Variants in CCDC85A observed in about 807,000 individuals in gnomAD.
CCDC85A encodes coiled-coil domain containing 85A.
Under a neutral mutation model 50.2 loss-of-function variants are expected in CCDC85A, and 38 were observed. The observed-to-expected ratio is 0.76, with a 90% CI of 0.58 to 0.99. CCDC85A has a LOEUF of 0.99. Ranked by LOEUF, CCDC85A falls within the 50% of genes least tolerant of loss-of-function variation. CCDC85A has a pLI of 0.00. For synonymous variants in CCDC85A, 366 were observed against 301.4 expected (o/e 1.21, Z -2.22); for missense variants, 820 against 742.0 (o/e 1.11, Z -1.22).
At chr2:56,313,096 T>C (rs922166680) in intron 2 of CCDC85A, among the ~76,000 whole-genome samples, 8 of 152,182 alleles carry the variant, frequency 5.3e-5, no homozygotes, top group Non-Finnish European at 1.0e-4. Flanking sequence ...TGAAAGTCTT[T>C]TATTATGTTT....
At chr2:56,203,211 G>C (rs1676816143) in intron 2 of CCDC85A, among the ~76,000 whole-genome samples, 2 of 152,234 alleles carry the variant, frequency 1.3e-5, no homozygotes, top group Admixed American at 6.5e-5. Context: ...CTTATGAAGA[G>C]AGTACATTTA....
chr2:56,268,605 A>AG (rs947732959), intron 2 of CCDC85A, among the ~76,000 whole-genome samples: 3 of 151,234 alleles, frequency 2.0e-5, no homozygotes, highest in South Asian at 4.2e-4. Context: ...AAAAAAAAAA[A>AG]AAAAGAAAAG....
chr2:56,279,248 T>A (rs1558620296), intron 2 of CCDC85A, among the ~76,000 whole-genome samples: 2 of 152,118 alleles, frequency 1.3e-5, no homozygotes, highest in African/African-American at 2.4e-5. Flanking sequence ...ACAGGCTTTT[T>A]AAAAAAAATT....
intron 2 of CCDC85A, among the ~76,000 whole-genome samples, chr2:56,327,919 C>T (rs931578338): frequency 6.6e-6 from 1 of 151,134 alleles, no homozygotes; most frequent in Non-Finnish European, 1.5e-5. Flanking sequence ...CTGCTCTGTG[C>T]TAGTCCTTGC....
chr2:56,223,017 C>A (rs565293791), intron 2 of CCDC85A, among the ~76,000 whole-genome samples: 2 of 152,020 alleles, frequency 1.3e-5, no homozygotes, highest in African/African-American at 4.8e-5. Flanking sequence ...CCTACCTACG[C>A]GTAAGTGCCA....
chr2:56,204,376 A>C (rs1263392158), intron 2 of CCDC85A, among the ~76,000 whole-genome samples: 1 of 152,206 alleles, frequency 6.6e-6, no homozygotes, highest in African/African-American at 2.4e-5. Flanking sequence ...TATAGTGCTG[A>C]ACATGTTTTA....
At position 56,184,870 on chromosome 2, in the gene CCDC85A, G is replaced by A; in HGVS notation, c.246G>A (p.Gln82=). The change falls in exon 1 of 6, where the codon CAG becomes CAA. Residue 82 remains glutamine, a synonymous_variant. Coordinates refer to ENST00000407595, the MANE Select transcript of CCDC85A (RefSeq NM_001080433.2). ...TCCGCGAGGTGAACCGCCGCCTGCA[G>A]CTGCACCTCGGCGAGATCCGCGGCC... is the stretch of plus-strand genomic sequence containing the variant. ...NLIREVNRRL[Q]LHLGEIRGLK... The A allele has an allele frequency of 1.3e-6, 2 of 1,532,760 alleles. No individual in the cohort carries two copies. Among genetic ancestry groups the A allele is most frequent in the Non-Finnish European group, 8.8e-7 (1 of 1,142,372 alleles). The allele number at this position is 1,532,760 out of a possible 1,614,324, so 94.9% of individuals were successfully genotyped here.
chr2:56,188,758 A>G (rs909624698), intron 1 of CCDC85A, among the ~76,000 whole-genome samples: 3 of 152,234 alleles, frequency 2.0e-5, no homozygotes, highest in African/African-American at 7.2e-5. Context: ...AAACAATAAG[A>G]AATTCTTCTC....
At chr2:56,257,809 C>T (rs1573114917) in intron 2 of CCDC85A, among the ~76,000 whole-genome samples, 1 of 152,080 alleles carries the variant, frequency 6.6e-6, no homozygotes, top group South Asian at 2.1e-4. Context: ...CAAGGAGAGG[C>T]CCTCTCTGAA....
rs1187757229 is a variant in CCDC85A at position 56,206,539 on chromosome 2, G to A, written c.1240+13099G>A. 3.3e-5 allele frequency among the ~76,000 whole-genome samples: 5 copies of A among 152,112 alleles called. No homozygotes were observed. In the East Asian group the frequency reaches 9.7e-4, roughly 29 times the overall value. Reference sequence around the variant, plus strand: ...CAAGAGGGCAAGAGGGCACAAGACAGCAAGCAAGCAAGAGGGGGCCAAACT... The same window carrying A: ...CAAGAGGGCAAGAGGGCACAAGACAACAAGCAAGCAAGAGGGGGCCAAACT... On this transcript the variant is annotated intron_variant, in intron 2 of 5. Coordinates refer to ENST00000407595, the MANE Select transcript of CCDC85A (RefSeq NM_001080433.2).
intron 2 of CCDC85A, among the ~76,000 whole-genome samples, chr2:56,200,679 G>A (rs1455398302): frequency 1.3e-5 from 2 of 152,182 alleles, no homozygotes; most frequent in African/African-American, 4.8e-5. Flanking sequence ...CAGAGGAGTA[G>A]CAGGTTACAT....
intron 2 of CCDC85A, among the ~76,000 whole-genome samples, chr2:56,322,007 G>A (rs879127968): frequency 7.2e-5 from 11 of 152,024 alleles, no homozygotes; most frequent in Non-Finnish European, 1.3e-4. Context: ...CAACCATCTG[G>A]TCTTTGACAA....
chr2:56,286,618 A>G (rs1209005334), intron 2 of CCDC85A, among the ~76,000 whole-genome samples: 2 of 152,256 alleles, frequency 1.3e-5, no homozygotes, highest in Admixed American at 1.3e-4. Context: ...TTATATGTCC[A>G]TATTTTCCTT....
intron 2 of CCDC85A, among the ~76,000 whole-genome samples, chr2:56,231,439 G>C (rs1668767999): frequency 2.0e-5 from 3 of 152,168 alleles, no homozygotes; most frequent in Non-Finnish European, 2.9e-5. Flanking sequence ...TATGGGTTCT[G>C]AATCCAGGTA....
chr2:56,238,814 A>G (rs1446525400), intron 2 of CCDC85A, among the ~76,000 whole-genome samples: 10 of 152,118 alleles, frequency 6.6e-5, no homozygotes, highest in Non-Finnish European at 1.5e-4. Context: ...TTATGTATGT[A>G]TGTGTTTATT....
At chr2:56,298,620 T>G (rs1672062357) in intron 2 of CCDC85A, among the ~76,000 whole-genome samples, 1 of 152,184 alleles carries the variant, frequency 6.6e-6, no homozygotes, top group South Asian at 2.1e-4. Flanking sequence ...ACTATCCCTT[T>G]TCTAGTTTCG....
chr2:56,234,215 C>T (rs1432849946), intron 2 of CCDC85A, among the ~76,000 whole-genome samples: 1 of 152,156 alleles, frequency 6.6e-6, no homozygotes, highest in Non-Finnish European at 1.5e-5. Flanking sequence ...ACTTTCTTCT[C>T]CTCATGATCT....
At chr2:56,360,499 G>C (rs1299929727) in intron 3 of CCDC85A, among the ~76,000 whole-genome samples, 1 of 152,144 alleles carries the variant, frequency 6.6e-6, no homozygotes, top group Non-Finnish European at 1.5e-5. Context: ...TAACCAGATT[G>C]TTTTTCAGGA....
At chr2:56,323,412 C>G (rs775415549) in intron 2 of CCDC85A, among the ~76,000 whole-genome samples, 32 of 151,898 alleles carry the variant, frequency 2.1e-4, no homozygotes, top group Non-Finnish European at 8.8e-5. Context: ...GGTTAGGGCT[C>G]CAGGGAGGTT....
Sources: allele counts gnomAD v4.1 joint callset (sites outside exome capture counted in the v4.1 genomes callset), GRCh38; gene constraint gnomAD v4.1.1; transcripts MANE v1.5; gene names NCBI Gene and HGNC (gene_info 2026-07-23, HGNC 2026-07-21).